PCGF3: variants seen among roughly 807,000 people sequenced by gnomAD.
PCGF3 encodes the protein polycomb group ring finger 3, also known as polycomb group RING finger protein 3.
Under a neutral mutation model 33.1 loss-of-function variants are expected in PCGF3, and 7 were observed. That is an observed-to-expected ratio of 0.21 (90% CI 0.12 to 0.40). The LOEUF (loss-of-function observed/expected upper bound fraction) is 0.40, where lower values mean the gene tolerates loss of function less well. PCGF3 is among the 10% of genes least tolerant of loss of function. PCGF3 has a pLI of 1.00. For synonymous variants in PCGF3, 153 were observed against 121.3 expected (o/e 1.26, Z -1.72); for missense variants, 211 against 313.3 (o/e 0.67, Z 2.46).
chr4:738,281 C>T (rs540504930), intron 6 of PCGF3, among the ~76,000 whole-genome samples: 3 of 152,246 alleles, frequency 2.0e-5, no homozygotes, highest in African/African-American at 7.2e-5. Flanking sequence ...GCCTTTAATG[C>T]GTGACCCAGA....
rs1479365300 is a variant in PCGF3 at position 764,886 on chromosome 4, T to C, written c.601-98T>C. The C allele has an allele frequency of 2.6e-5, 20 of 769,850 alleles. No homozygotes were observed. The South Asian group carries it at 2.6e-4, about 10-fold the overall frequency. The allele number at this position is 769,850 out of a possible 1,614,324, so 47.7% of individuals were successfully genotyped here. A position where few individuals can be genotyped will look rare whatever the true frequency, so the allele number is the denominator to read the frequency against. On this transcript the variant is annotated intron_variant, in intron 9 of 10. Transcript: ENST00000362003. ...CATCTCTAGGCACGTTCTTGCATGA[T>C]TGGGGAGGGGCTGCAGATTTCATAC...
chr4:760,745 G>C (rs966622994), intron 8 of PCGF3, among the ~76,000 whole-genome samples: 1 of 152,240 alleles, frequency 6.6e-6, no homozygotes, highest in South Asian at 2.1e-4. Context: ...TTCGCACCGG[G>C]CAGGGAGCCC....
At chr4:734,787 C>A (rs568063667) in intron 4 of PCGF3, 144 bp from the exon 5 acceptor site, 4 of 1,405,288 alleles carry the variant, frequency 2.8e-6, no homozygotes, top group Admixed American at 2.9e-5. Flanking sequence ...TGTTTCCTTT[C>A]AGAAGCTGAG....
At chr4:755,394 G>C (rs773131965) in intron 8 of PCGF3, among the ~76,000 whole-genome samples, 1 of 152,146 alleles carries the variant, frequency 6.6e-6, no homozygotes, top group African/African-American at 2.4e-5. Flanking sequence ...CTTGTTCTTT[G>C]CCCATCTCTG....
At chr4:766,124 G>A in exon 11 of PCGF3, 1 of 1,572,320 alleles carries the variant, frequency 6.4e-7, no homozygotes, top group South Asian at 1.1e-5. Context: ...GCACCCTTGG[G>A]TGCTCCCGGC....
rs1326310018 is a variant in PCGF3 at position 721,766 on chromosome 4, T to C, written c.-189-8864T>C. ...GGCATGGGGAGGGGCCTGTGGGAGG[T>C]GGATGGGTTGGGTGGCTCTGTGTAT... is the stretch of plus-strand genomic sequence containing the variant. On this transcript the variant is annotated intron_variant, in intron 1 of 10. Coordinates refer to ENST00000362003, the Ensembl canonical transcript of PCGF3. This position sits in a 1 kb window ranked among gnomAD's most constrained non-coding sequence, Gnocchi z 4.1. 3.1e-4 allele frequency among the ~76,000 whole-genome samples: 26 copies of C among 84,276 alleles called. No homozygotes were observed. The South Asian group carries it at 7.2e-3, about 23-fold the overall frequency. 55.3% of individuals were successfully genotyped at this position (84,276 alleles called of 152,430 possible). A position where few individuals can be genotyped will look rare whatever the true frequency, so the allele number is the denominator to read the frequency against.
At chr4:749,063 C>G (rs1368152440) in intron 8 of PCGF3, among the ~76,000 whole-genome samples, 1 of 152,178 alleles carries the variant, frequency 6.6e-6, no homozygotes. Context: ...TCAGTGTTTA[C>G]TTTTACTAAT....
At chr4:706,981 G>C (rs1028359962) in intron 1 of PCGF3, among the ~76,000 whole-genome samples, 1 of 151,372 alleles carries the variant, frequency 6.6e-6, no homozygotes, top group Non-Finnish European at 1.5e-5. Context: ...CCCCAGCCCA[G>C]GCAGGACCCT....
At chr4:706,666 CAG>C (rs1450259723) in intron 1 of PCGF3, among the ~76,000 whole-genome samples, 3 of 137,152 alleles carry the variant, frequency 2.2e-5, no homozygotes, top group Admixed American at 2.1e-4. Flanking sequence ...GCGAAGACCC[CAG>C]CCCAGGCAGG....
At chr4:724,258 CAG>C (rs1743234627) in intron 1 of PCGF3, among the ~76,000 whole-genome samples, 2 of 152,204 alleles carry the variant, frequency 1.3e-5, no homozygotes, top group African/African-American at 2.4e-5. Context: ...CAAGGAGGCT[CAG>C]GGGCTACAGC....
At chr4:766,245 G>C (rs1276033288) in exon 11 of PCGF3, 2 of 604,394 alleles carry the variant, frequency 3.3e-6, no homozygotes, top group Non-Finnish European at 3.0e-6. Context: ...GACACTACCA[G>C]CACCACGTTT....
At chr4:761,308 C>G in exon 9 of PCGF3, 2 of 1,602,138 alleles carry the variant, frequency 1.2e-6, no homozygotes, top group Non-Finnish European at 1.7e-6. Flanking sequence ...GTAACAGCAG[C>G]AAACTGCGCG....
intron 3 of PCGF3, among the ~76,000 whole-genome samples, chr4:732,774 G>C (rs544539051): frequency 6.6e-6 from 1 of 152,352 alleles, no homozygotes; most frequent in East Asian, 1.9e-4. Context: ...CTGCTCCCCT[G>C]GTGAAAGGTG....
chr4:720,717 C>T lies in PCGF3; in HGVS notation c.-189-9913C>T, dbSNP rs866363009. Among the ~76,000 whole-genome samples, 44 of 149,598 alleles carry T rather than the reference C, an allele frequency of 2.9e-4. No homozygotes were observed. Among genetic ancestry groups the T allele is most frequent in the Non-Finnish European group, 5.0e-4 (34 of 67,486 alleles). On this transcript the variant is annotated intron_variant, in intron 1 of 10. Transcript: ENST00000362003. This position sits in a 1 kb window ranked among gnomAD's most constrained non-coding sequence, Gnocchi z 5.6. Reference sequence around the variant, plus strand: ...GACGTGCGTGTGGACCCGGCGTGGACGGGCGGTGACGTGCGTGTGGACCCG... The same window carrying T: ...GACGTGCGTGTGGACCCGGCGTGGATGGGCGGTGACGTGCGTGTGGACCCG...
At chr4:764,858 C>A in intron 9 of PCGF3, 126 bp from the exon 10 acceptor site, 6 of 649,356 alleles carry the variant, frequency 9.2e-6, no homozygotes, top group Non-Finnish European at 1.7e-5. Context: ...GCCCCCCCCA[C>A]CCCATCTCTA....
chr4:768,867 TGAA>T (rs1334075624), exon 11 of PCGF3: 2 of 152,750 alleles, frequency 1.3e-5, no homozygotes, highest in South Asian at 2.1e-4. Context: ...TTTATGTGGA[TGAA>T]GAGCATTTTT....
rs112870516 is a variant in PCGF3 at position 733,604 on chromosome 4, A to G, written c.-9-68A>G. The stretch of plus-strand genomic sequence containing the variant: ...ACTGTCCTCCCTGGGGGCGGCTGTC[A>G]GAGCTCAGCCAAGGATGAAAGGCAT... On this transcript the variant is annotated intron_variant, in intron 3 of 10. Transcript: ENST00000362003. 9.9e-5 allele frequency: 146 copies of G among 1,473,706 alleles called. 2 individuals are homozygous for G. In the African/African-American group the frequency reaches 1.3e-3, roughly 13 times the overall value. The allele number at this position is 1,473,706 out of a possible 1,614,324, so 91.3% of individuals were successfully genotyped here. A position where few individuals can be genotyped will look rare whatever the true frequency, so the allele number is the denominator to read the frequency against.
chr4:755,289 C>T (rs541432204), intron 8 of PCGF3, among the ~76,000 whole-genome samples: 13 of 151,884 alleles, frequency 8.6e-5, no homozygotes, highest in African/African-American at 2.2e-4. Context: ...GTGTGTTCCA[C>T]GGTATCTGTG....
exon 7 of PCGF3, chr4:743,504 A>T: frequency 6.2e-7 from 1 of 1,613,420 alleles, no homozygotes; most frequent in South Asian, 1.1e-5. Flanking sequence ...GAGTTCTATC[A>T]CAAATTGGGC....
Sources: gnomAD v4.1 joint callset for allele counts (sites outside exome capture counted in the v4.1 genomes callset) on GRCh38, gnomAD v4.1.1 for gene constraint, Gnocchi (gnomAD v3.1) non-coding constraint, MANE v1.5 for transcripts, NCBI Gene and HGNC (gene_info 2026-07-23, HGNC 2026-07-21) for gene names.